Variants in PPM1L observed in about 807,000 individuals in gnomAD.
The protein encoded by PPM1L is protein phosphatase 1L.
Under a neutral mutation model 31.4 loss-of-function variants are expected in PPM1L, and 13 were observed. The ratio of observed to expected loss-of-function variants is 0.41; its 90% CI spans 0.27 to 0.66. The LOEUF (loss-of-function observed/expected upper bound fraction) is 0.66. PPM1L is among the 30% of genes least tolerant of loss of function. The probability of loss-of-function intolerance (pLI) is 0.29; values close to 1 mark genes in which losing one functional copy is unlikely to be tolerated. For synonymous variants in PPM1L, 184 were observed against 175.4 expected, an observed-to-expected ratio of 1.05 and a Z score of -0.39; for missense variants, 326 against 453.7, an observed-to-expected ratio of 0.72 and a Z score of 2.56.
At chr3:160,841,389 A>G (rs1323633386) in intron 1 of PPM1L, among the ~76,000 whole-genome samples, 1 of 150,996 alleles carries the variant, frequency 6.6e-6, no homozygotes, top group Non-Finnish European at 1.5e-5. Context: ...ATATGGTTTT[A>G]TAGACATTCA....
intron 1 of PPM1L, among the ~76,000 whole-genome samples, chr3:160,875,148 A>G (rs1169960935): frequency 6.6e-6 from 1 of 152,204 alleles, no homozygotes; most frequent in African/African-American, 2.4e-5. Context: ...TTCAAACTGT[A>G]ACACCTAAAT....
At position 160,971,388 on chromosome 3, in the gene PPM1L, A is replaced by G. The variant is rs531622728; in HGVS notation, c.574+9478A>G. On this transcript the variant is annotated intron_variant, in intron 2 of 3. Coordinates refer to ENST00000498165, the MANE Select transcript of PPM1L (RefSeq NM_139245.4). Reference sequence around the variant, plus strand: ...AGCCAGACACAGTACCCACCACTAGAAATGCTCAGATGACCACGTGGCCCT... The same window carrying G: ...AGCCAGACACAGTACCCACCACTAGGAATGCTCAGATGACCACGTGGCCCT... 2.7e-4 allele frequency among the ~76,000 whole-genome samples: 41 copies of G among 152,310 alleles called. 1 individual carries two copies. The highest frequency in any genetic ancestry group is 3.4e-4 in the Non-Finnish European group (23 of 68,030).
At chr3:160,798,467 T>C (rs1328387703) in intron 1 of PPM1L, among the ~76,000 whole-genome samples, 1 of 152,146 alleles carries the variant, frequency 6.6e-6, no homozygotes, top group African/African-American at 2.4e-5. Context: ...AAAAAACCTA[T>C]GGCCCTTAAA....
At chr3:160,822,669 A>G (rs942833774) in intron 1 of PPM1L, among the ~76,000 whole-genome samples, 6 of 152,132 alleles carry the variant, frequency 3.9e-5, no homozygotes, top group Non-Finnish European at 7.4e-5. Flanking sequence ...GCATATTTCA[A>G]TTCTGAAATA....
intron 1 of PPM1L, among the ~76,000 whole-genome samples, chr3:160,941,844 T>C (rs2108087914): frequency 6.6e-6 from 1 of 152,340 alleles, no homozygotes; most frequent in Non-Finnish European, 1.5e-5. Context: ...TTCTTTTAGC[T>C]CTATGTGTTT....
chr3:161,040,502 T>A (rs577056931), intron 2 of PPM1L, among the ~76,000 whole-genome samples: 1 of 152,326 alleles, frequency 6.6e-6, no homozygotes, highest in African/African-American at 2.4e-5. Flanking sequence ...AAGTTAAACA[T>A]GCGAACTGAA....
At chr3:161,067,700 T>A (rs767045614) in intron 3 of PPM1L, among the ~76,000 whole-genome samples, 1 of 152,250 alleles carries the variant, frequency 6.6e-6, no homozygotes, top group Non-Finnish European at 1.5e-5. Flanking sequence ...AGCTAGTGAA[T>A]GGTGAGACCA....
At chr3:160,966,381 A>C (rs1229713568) in intron 2 of PPM1L, among the ~76,000 whole-genome samples, 1 of 152,112 alleles carries the variant, frequency 6.6e-6, no homozygotes, top group Non-Finnish European at 1.5e-5. Context: ...TATTTTCCTC[A>C]CTCTAAGCAT....
Position 161,028,119 on chromosome 3 carries a change from T to C in PPM1L, c.575-37284T>C, listed in dbSNP as rs544987864. On this transcript the variant is annotated intron_variant, in intron 2 of 3. Coordinates refer to ENST00000498165, the MANE Select transcript of PPM1L (RefSeq NM_139245.4). The stretch of plus-strand genomic sequence containing the variant: ...AGAAAGTGATTGAGGAGAAGGGGAA[T>C]TTCAGAAATCATAAAGTAATAGAAT... Among the ~76,000 whole-genome samples, 62 of 152,306 alleles carry C rather than the reference T, an allele frequency of 4.1e-4. 1 individual carries two copies. In the South Asian group the frequency reaches 0.012, roughly 31 times the overall value.
At chr3:160,997,789 T>G (rs192570489) in intron 2 of PPM1L, among the ~76,000 whole-genome samples, 1 of 152,318 alleles carries the variant, frequency 6.6e-6, no homozygotes, top group Non-Finnish European at 1.5e-5. Flanking sequence ...ACATATAGTC[T>G]GCAGTTTTGT....
chr3:161,025,866 AT>A (rs1484963591), intron 2 of PPM1L, among the ~76,000 whole-genome samples: 1 of 152,222 alleles, frequency 6.6e-6, no homozygotes, highest in Non-Finnish European at 1.5e-5. Context: ...TCACTAGGAA[AT>A]TAATAGTTCC....
At chr3:160,935,437 C>A (rs569154221) in intron 1 of PPM1L, among the ~76,000 whole-genome samples, 55 of 152,194 alleles carry the variant, frequency 3.6e-4, no homozygotes, top group Middle Eastern at 6.8e-3. Context: ...TATAAATGCC[C>A]CCTTCTTGTT....
intron 1 of PPM1L, among the ~76,000 whole-genome samples, chr3:160,801,568 G>A (rs968674429): frequency 1.7e-4 from 26 of 152,316 alleles, no homozygotes; most frequent in African/African-American, 3.6e-4. Context: ...GTGCCAGGGA[G>A]CTCTTGTGCT....
rs1028028742 is a variant in PPM1L at position 161,070,452 on chromosome 3, C to G, written c.*1295C>G. 6.6e-6 allele frequency: 1 copy of G among 152,202 alleles called. No homozygotes were observed. The highest frequency in any genetic ancestry group is 1.5e-5 in the Non-Finnish European group (1 of 68,044). 9.4% of individuals were successfully genotyped at this position (152,202 alleles called of 1,614,324 possible). The stretch of plus-strand genomic sequence containing the variant: ...AGGCAGCAAAGGGACCTGGCAGTTG[C>G]AACACAGTAAGTCAGGAATTCAAGC... On this transcript the variant is annotated 3_prime_UTR_variant, in exon 4 of 4. Coordinates refer to ENST00000498165, the MANE Select transcript of PPM1L (RefSeq NM_139245.4).
chr3:160,835,747 C>T (rs1356926910), intron 1 of PPM1L, among the ~76,000 whole-genome samples: 3 of 152,156 alleles, frequency 2.0e-5, no homozygotes, highest in Non-Finnish European at 2.9e-5. Flanking sequence ...ATCATAGAAA[C>T]TAGCTTAGCA....
At chr3:160,788,020 T>C (rs1401891385) in intron 1 of PPM1L, among the ~76,000 whole-genome samples, 1 of 152,168 alleles carries the variant, frequency 6.6e-6, no homozygotes, top group Admixed American at 6.5e-5. Context: ...ACTGTAGCCT[T>C]GTAATATAGT....
intron 2 of PPM1L, among the ~76,000 whole-genome samples, chr3:160,970,694 G>A (rs1305831706): frequency 2.0e-5 from 3 of 151,576 alleles, no homozygotes; most frequent in African/African-American, 7.3e-5. Flanking sequence ...CTGACCTCAA[G>A]TGATTCACCC....
intron 1 of PPM1L, among the ~76,000 whole-genome samples, chr3:160,940,966 G>A (rs1465006945): frequency 6.6e-6 from 1 of 152,162 alleles, no homozygotes; most frequent in Admixed American, 6.5e-5. Flanking sequence ...TAAAACCACA[G>A]GGGTGGAGCT....
chr3:160,841,058 G>A (rs1450640727), intron 1 of PPM1L, among the ~76,000 whole-genome samples: 1 of 152,138 alleles, frequency 6.6e-6, no homozygotes, highest in Non-Finnish European at 1.5e-5. Context: ...TACAATACAT[G>A]AACCTGGAAT....
Sources: allele counts gnomAD v4.1 joint callset (sites outside exome capture counted in the v4.1 genomes callset), GRCh38; gene constraint gnomAD v4.1.1; transcripts MANE v1.5; gene names NCBI Gene and HGNC (gene_info 2026-07-23, HGNC 2026-07-21).